Variants in RBFOX1 observed in about 807,000 individuals in gnomAD.
The protein encoded by RBFOX1 is RNA binding protein fox-1 homolog 1.
RBFOX1 carries 8 observed loss-of-function variants against 57.7 expected under a neutral mutation model. That is an observed-to-expected ratio of 0.14 (90% CI 0.08 to 0.25). The LOEUF is 0.25. RBFOX1 is among the 10% of genes least tolerant of loss of function. The pLI, the probability that RBFOX1 is intolerant of heterozygous loss-of-function variation, is 1.00. For synonymous variants in RBFOX1, 326 were observed against 222.4 expected (o/e 1.47, Z -4.15); for missense variants, 611 against 548.5 (o/e 1.11, Z -1.14).
At chr16:5,463,396 T>C (rs1390944699) in intron 1 of RBFOX1, among the ~76,000 whole-genome samples, 2 of 152,176 alleles carry the variant, frequency 1.3e-5, no homozygotes, top group Non-Finnish European at 2.9e-5. Context: ...TTAGTTACCA[T>C]TGAGCTTAGC....
In RBFOX1 at chr16:7,575,504, G is replaced by A. The variant is rs188109198; in HGVS notation, c.271-4273G>A. Among the ~76,000 whole-genome samples the A allele has an allele frequency of 3.5e-3, 537 of 152,230 alleles. 2 individuals carry two copies. The highest frequency in any genetic ancestry group is 0.012 in the African/African-American group (512 of 41,528). ...ACCCCCGCAGAGGGAAGTAGGGACT[G>A]TGGACATTGAAGCAGAGGATGGAAG... On this transcript the variant is annotated intron_variant, in intron 5 of 15. Transcript: ENST00000550418.
At chr16:5,827,126 G>A (rs1157528957) in intron 3 of RBFOX1, among the ~76,000 whole-genome samples, 3 of 152,268 alleles carry the variant, frequency 2.0e-5, no homozygotes, top group East Asian at 1.9e-4. Flanking sequence ...AACAGGCCAG[G>A]CACTGTGGCT....
intron 3 of RBFOX1, among the ~76,000 whole-genome samples, chr16:6,925,860 A>AG: frequency 6.6e-6 from 1 of 152,318 alleles, no homozygotes; most frequent in East Asian, 1.9e-4. Context: ...ATTTAAAAAA[A>AG]AAATCTGTAA....
chr16:5,270,463 G>T, intron 1 of RBFOX1: 6 of 764,542 alleles, frequency 7.8e-6, no homozygotes, highest in Admixed American at 5.2e-5. Context: ...GAAACTGCCT[G>T]ACTAACTTCT....
At chr16:6,018,783 G>T (rs2095017152), upstream of RBFOX1, among the ~76,000 whole-genome samples, 1 of 152,156 alleles carries the variant, frequency 6.6e-6, no homozygotes, top group Admixed American at 6.5e-5. Context: ...GGAGGAGGGC[G>T]CTGGTGCTCA....
At chr16:6,414,385 G>A (rs1000244680) in intron 2 of RBFOX1, among the ~76,000 whole-genome samples, 3 of 152,182 alleles carry the variant, frequency 2.0e-5, no homozygotes, top group Non-Finnish European at 2.9e-5. Flanking sequence ...TATTTCCCGG[G>A]CACCTACTGT....
intron 1 of RBFOX1, among the ~76,000 whole-genome samples, chr16:6,258,478 C>G (rs2097682206): frequency 1.3e-5 from 2 of 152,170 alleles, no homozygotes; most frequent in African/African-American, 4.8e-5. Context: ...ATTTTACACT[C>G]TGTTTCCAAA....
At chr16:5,841,718 G>T (rs887515544) in intron 3 of RBFOX1, among the ~76,000 whole-genome samples, 4 of 152,188 alleles carry the variant, frequency 2.6e-5, no homozygotes, top group African/African-American at 9.7e-5. Flanking sequence ...TCCATGGCCT[G>T]TAGAGGCCCA....
intron 10 of RBFOX1, among the ~76,000 whole-genome samples, chr16:7,628,498 C>T (rs1337053052): frequency 2.0e-5 from 3 of 152,130 alleles, no homozygotes; most frequent in Non-Finnish European, 4.4e-5. Flanking sequence ...GGTTTCATAT[C>T]CCAATCTCCA....
At chr16:7,040,037 T>A (rs1221229429) in intron 3 of RBFOX1, among the ~76,000 whole-genome samples, 1 of 151,614 alleles carries the variant, frequency 6.6e-6, no homozygotes. Context: ...TTATTATTAT[T>A]TTGAGACAAA....
intron 3 of RBFOX1, among the ~76,000 whole-genome samples, chr16:5,737,434 C>T (rs192803739): frequency 4.6e-5 from 7 of 151,840 alleles, no homozygotes; most frequent in African/African-American, 4.8e-5. Flanking sequence ...TGCAGTGAGT[C>T]GAGATCATGC....
intron 1 of RBFOX1, among the ~76,000 whole-genome samples, chr16:6,218,800 G>A (rs191765163): frequency 6.6e-6 from 1 of 151,644 alleles, no homozygotes; most frequent in East Asian, 1.9e-4. Context: ...ATCCGAAGTC[G>A]GAATCTCAGT....
In RBFOX1 at chr16:6,815,080, C is replaced by G. The variant is rs767684044; in HGVS notation, c.-16+160430C>G. Among the ~76,000 whole-genome samples the G allele has an allele frequency of 4.6e-5, 7 of 152,272 alleles. No homozygotes were observed. The South Asian group carries it at 6.2e-4, about 14-fold the overall frequency. ...TTTCCCGGAAAGCGGTAGGCAATGACTAGAACTGAGGGTTTCTCCCCATTT... is the reference window on the plus strand; with the variant it reads ...TTTCCCGGAAAGCGGTAGGCAATGAGTAGAACTGAGGGTTTCTCCCCATTT... On this transcript the variant is annotated intron_variant, in intron 3 of 15. Transcript: ENST00000550418.
intron 2 of RBFOX1, among the ~76,000 whole-genome samples, chr16:6,621,951 G>A (rs948553660): frequency 6.6e-5 from 10 of 152,262 alleles, no homozygotes; most frequent in Admixed American, 5.9e-4. Flanking sequence ...GGAAGAAGTC[G>A]TTACACAAAG....
intron 3 of RBFOX1, among the ~76,000 whole-genome samples, chr16:5,629,195 A>C (rs1239790781): frequency 2.0e-5 from 3 of 152,238 alleles, no homozygotes; most frequent in Non-Finnish European, 4.4e-5. Flanking sequence ...CAACTCACAG[A>C]ATGTAAATTC....
At chr16:7,123,328 A>G (rs1173641589) in intron 4 of RBFOX1, among the ~76,000 whole-genome samples, 4 of 152,106 alleles carry the variant, frequency 2.6e-5, no homozygotes, top group Admixed American at 1.3e-4. Flanking sequence ...TGTGGATGGA[A>G]TAAATGAAAA....
chr16:7,109,457 G>A (rs976531766), intron 4 of RBFOX1, among the ~76,000 whole-genome samples: 1 of 152,098 alleles, frequency 6.6e-6, no homozygotes, highest in Admixed American at 6.6e-5. Context: ...GAGGCCCCCA[G>A]GTGGATGTAT....
intron 1 of RBFOX1, among the ~76,000 whole-genome samples, chr16:6,215,418 G>C (rs529860813): frequency 2.1e-4 from 32 of 148,958 alleles, no homozygotes; most frequent in African/African-American, 8.0e-4. Flanking sequence ...GAGGGAGGAG[G>C]AGAGGGAGAG....
At chr16:6,052,176 G>T (rs573758238) in intron 1 of RBFOX1, among the ~76,000 whole-genome samples, 105 of 152,234 alleles carry the variant, frequency 6.9e-4, no homozygotes, top group African/African-American at 2.4e-3. Flanking sequence ...GGTTCTTGGT[G>T]TCCCTCCGTT....
Sources: allele counts gnomAD v4.1 joint callset (sites outside exome capture counted in the v4.1 genomes callset), GRCh38; gene constraint gnomAD v4.1.1; transcripts MANE v1.5; gene names NCBI Gene and HGNC (gene_info 2026-07-23, HGNC 2026-07-21).